The following RFTN1 variants were observed in gnomAD, a reference collection of about 807,000 sequenced individuals.
The protein encoded by RFTN1 is raftlin.
Under a neutral mutation model 46.5 loss-of-function variants are expected in RFTN1, and 26 were observed. That is an observed-to-expected ratio of 0.56 (90% CI 0.41 to 0.78). The LOEUF (loss-of-function observed/expected upper bound fraction) is 0.78, where lower values mean the gene tolerates loss of function less well. RFTN1 is among the 30% of genes least tolerant of loss of function. The probability of loss-of-function intolerance (pLI) is 0.00; values close to 1 mark genes in which losing one functional copy is unlikely to be tolerated. For synonymous variants in RFTN1, 261 were observed against 284.2 expected (o/e 0.92, Z 0.82); for missense variants, 693 against 718.7 (o/e 0.96, Z 0.41).
At chr3:16,490,690 G>C (rs2076526702) in intron 2 of RFTN1, among the ~76,000 whole-genome samples, 1 of 152,178 alleles carries the variant, frequency 6.6e-6, no homozygotes, top group African/African-American at 2.4e-5. Context: ...AAAGATTTAT[G>C]GACAATATTG....
intron 7 of RFTN1, 71 bp from the exon 8 acceptor site, chr3:16,326,947 T>A: frequency 8.6e-7 from 1 of 1,168,814 alleles, no homozygotes; most frequent in Non-Finnish European, 1.2e-6. Flanking sequence ...GAGGGGACTA[T>A]TCAGTCTGCC....
intron 2 of RFTN1, chr3:16,472,633 G>A (rs376129602): frequency 1.3e-4 from 20 of 152,262 alleles, no homozygotes; most frequent in African/African-American, 4.1e-4. Flanking sequence ...AGGAACAACC[G>A]GCCTGATTAA....
chr3:16,419,517 G>C (rs2075147337), intron 3 of RFTN1, among the ~76,000 whole-genome samples: 1 of 152,130 alleles, frequency 6.6e-6, no homozygotes, highest in African/African-American at 2.4e-5. Flanking sequence ...CCTGCAATTG[G>C]TGGTGGTTGT....
intron 4 of RFTN1, among the ~76,000 whole-genome samples, chr3:16,392,356 C>T (rs1040410370): frequency 2.6e-5 from 4 of 152,112 alleles, no homozygotes; most frequent in African/African-American, 9.7e-5. Flanking sequence ...ACAAGACACC[C>T]CACCCTCACA....
chr3:16,401,305 C>T (rs928684485), intron 4 of RFTN1, among the ~76,000 whole-genome samples: 3 of 135,548 alleles, frequency 2.2e-5, no homozygotes, highest in Admixed American at 7.7e-5. Flanking sequence ...GCCTGGGCAA[C>T]GGAATGAAGC....
Position 16,329,187 on chromosome 3 carries a change from C to T in RFTN1, c.1147-2311G>A, listed in dbSNP as rs1462094640. On this transcript the variant is annotated intron_variant, in intron 7 of 9. Coordinates refer to ENST00000334133, the MANE Select transcript of RFTN1 (RefSeq NM_015150.2). The surrounding 1 kb of genome is among the most constrained non-coding windows in gnomAD (Gnocchi z 4.5). ...TTTCTGCGCTTCCGCCTCGGGATGA[C>T]GCAGCAAGAAGGCCCTCACAAGATG... 2.6e-5 allele frequency among the ~76,000 whole-genome samples: 4 copies of T among 152,206 alleles called. No individual in the cohort carries two copies. Among genetic ancestry groups the T allele is most frequent in the Admixed American group, 6.5e-5 (1 of 15,288 alleles).
At chr3:16,416,660 A>G (rs2125460022) in intron 3 of RFTN1, among the ~76,000 whole-genome samples, 1 of 152,326 alleles carries the variant, frequency 6.6e-6, no homozygotes, top group African/African-American at 2.4e-5. Flanking sequence ...TTTCCTTGGG[A>G]CATAACTGAA....
rs1294692238 is a variant in RFTN1 at position 16,468,491 on chromosome 3, C to T, written c.145+25234G>A. Among the ~76,000 whole-genome samples the T allele has an allele frequency of 2.0e-5, 3 of 152,098 alleles. No individual in the cohort carries two copies. Among genetic ancestry groups the T allele is most frequent in the Non-Finnish European group, 4.4e-5 (3 of 68,020 alleles). ...CTTTGGTGGGATTTTCTCTTCCAAG[C>T]CATTAAAACACTTTAAGATGCCTTT... is the stretch of plus-strand genomic sequence containing the variant. On this transcript the variant is annotated intron_variant, in intron 2 of 9. Coordinates refer to ENST00000334133, the MANE Select transcript of RFTN1 (RefSeq NM_015150.2). The surrounding 1 kb of genome is among the most constrained non-coding windows in gnomAD (Gnocchi z 4.4).
At chr3:16,432,519 A>C (rs1473615485) in intron 3 of RFTN1, among the ~76,000 whole-genome samples, 2 of 152,080 alleles carry the variant, frequency 1.3e-5, no homozygotes, top group Admixed American at 1.3e-4. Flanking sequence ...CCCCATCTCA[A>C]GGAAATAAAA....
Position 16,357,925 on chromosome 3 carries a change from C to T in RFTN1, c.1146+7G>A. The T allele has an allele frequency of 6.3e-7, 1 of 1,578,934 alleles. No individual in the cohort carries two copies. On this transcript the variant is annotated splice_region_variant and intron_variant, in intron 7 of 9. Coordinates refer to ENST00000334133, the MANE Select transcript of RFTN1 (RefSeq NM_015150.2). ...AAAAGAAGCGGGGCTGCCAACCCCA[C>T]ACTTACTTCCAGGACTGTCCATTGT...
intron 7 of RFTN1, among the ~76,000 whole-genome samples, chr3:16,332,566 T>C (rs2070433230): frequency 6.6e-6 from 1 of 152,158 alleles, no homozygotes; most frequent in Admixed American, 6.5e-5. Flanking sequence ...CACGCCACGT[T>C]AGGATTTTAA....
At position 16,361,242 on chromosome 3, in the gene RFTN1, T is replaced by C. The variant is rs890215292; in HGVS notation, c.1031-3195A>G. Among the ~76,000 whole-genome samples, 4 of 152,124 alleles carry C rather than the reference T, an allele frequency of 2.6e-5. No homozygotes were observed. The highest frequency in any genetic ancestry group is 1.9e-4 in the East Asian group (1 of 5,186). ...TAGGGCCTCAGAAGGGTGAGTGACA[T>C]GTTACTGGAGTTCAAGTGCACTGAA... On this transcript the variant is annotated intron_variant, in intron 6 of 9. Transcript: ENST00000334133. This position sits in a 1 kb window ranked among gnomAD's most constrained non-coding sequence, Gnocchi z 4.3.
In RFTN1 at chr3:16,398,076, C is replaced by T. The variant is rs2074511953; in HGVS notation, c.441+11299G>A. ...CCTGCCCAAAATGGTGAAACCCCGT[C>T]TCTACTAAAAATACGAAAAAATCAG... is the stretch of plus-strand genomic sequence containing the variant. On this transcript the variant is annotated intron_variant, in intron 4 of 9. Transcript: ENST00000334133. 3.3e-5 allele frequency among the ~76,000 whole-genome samples: 5 copies of T among 151,860 alleles called. No homozygotes were observed. In the South Asian group the frequency reaches 1.0e-3, roughly 32 times the overall value.
Position 16,382,053 on chromosome 3 carries a change from A to G in RFTN1, c.442-3951T>C, listed in dbSNP as rs1007740286. ...GGATCCAAACTTTAAAAAGATGTCA[A>G]AGTTAAATGCTGCCCTTATCCTATG... On this transcript the variant is annotated intron_variant, in intron 4 of 9. Transcript: ENST00000334133. This position sits in a 1 kb window ranked among gnomAD's most constrained non-coding sequence, Gnocchi z 4.7. 2.6e-5 allele frequency among the ~76,000 whole-genome samples: 4 copies of G among 152,224 alleles called. No individual in the cohort carries two copies. Among genetic ancestry groups the G allele is most frequent in the African/African-American group, 9.7e-5 (4 of 41,450 alleles).
chr3:16,462,296 G>A (rs1219013441), intron 2 of RFTN1, among the ~76,000 whole-genome samples: 3 of 152,198 alleles, frequency 2.0e-5, no homozygotes, highest in South Asian at 2.1e-4. Flanking sequence ...TGTTAAGCCC[G>A]TACTATTATT....
chr3:16,485,547 C>T (rs959918461), intron 2 of RFTN1, among the ~76,000 whole-genome samples: 17 of 152,248 alleles, frequency 1.1e-4, no homozygotes, highest in Non-Finnish European at 2.1e-4. Context: ...CAGAGGCACA[C>T]ACACGGTATG....
rs374158983 is a variant in RFTN1, at chr3:16,512,428, A to ATTTT, written c.-9+1013_-9+1014insAAAA. ...AGATTGAGCCAGACTTTTTTTTTAA[A>ATTTT]AAAGTACTTCTTGTTTGTTTGTTTT... is the stretch of plus-strand genomic sequence containing the variant. On this transcript the variant is annotated intron_variant, in intron 1 of 9. Coordinates refer to ENST00000334133, the MANE Select transcript of RFTN1 (RefSeq NM_015150.2). This position sits in a 1 kb window ranked among gnomAD's most constrained non-coding sequence, Gnocchi z 4.3. Among the ~76,000 whole-genome samples the ATTTT allele has an allele frequency of 3.7e-3, 561 of 150,022 alleles. 1 individual carries two copies. The highest frequency in any genetic ancestry group is 9.7e-3 in the South Asian group (46 of 4,752).
chr3:16,422,563 G>A lies in RFTN1; in HGVS notation c.332+11288C>T, dbSNP rs374284655. The stretch of plus-strand genomic sequence containing the variant: ...GGAGAATCACTTGAACCCGGGAGGC[G>A]GAAGTTGCAGTGAGCCGAGATTGTG... On this transcript the variant is annotated intron_variant, in intron 3 of 9. Coordinates refer to ENST00000334133, the MANE Select transcript of RFTN1 (RefSeq NM_015150.2). The surrounding 1 kb of genome is among the most constrained non-coding windows in gnomAD (Gnocchi z 4.6). 2.0e-5 allele frequency among the ~76,000 whole-genome samples: 3 copies of A among 151,894 alleles called. No individual in the cohort carries two copies. The highest frequency in any genetic ancestry group is 3.9e-4 in the East Asian group (2 of 5,138).
intron 3 of RFTN1, among the ~76,000 whole-genome samples, chr3:16,415,345 T>G (rs535422626): frequency 2.8e-4 from 42 of 150,850 alleles, no homozygotes; most frequent in South Asian, 8.5e-4. Context: ...AATTCAAGTT[T>G]CAGATATGTT....
Sources: gnomAD v4.1 joint callset for allele counts (sites outside exome capture counted in the v4.1 genomes callset) on GRCh38, gnomAD v4.1.1 for gene constraint, Gnocchi (gnomAD v3.1) non-coding constraint, MANE v1.5 for transcripts, NCBI Gene and HGNC (gene_info 2026-07-23, HGNC 2026-07-21) for gene names.